KIAA1549L: variants seen among roughly 807,000 people sequenced by gnomAD.
KIAA1549L encodes UPF0606 protein KIAA1549L.
KIAA1549L carries 88 observed loss-of-function variants against 160.7 expected under a neutral mutation model. The ratio of observed to expected loss-of-function variants is 0.55; its 90% CI spans 0.46 to 0.65. KIAA1549L has a LOEUF of 0.65. KIAA1549L is among the 30% of genes least tolerant of loss of function. The pLI, the probability that KIAA1549L is intolerant of heterozygous loss-of-function variation, is 0.00. For missense variants in KIAA1549L, 2,258 were observed against 2,437.5 expected, an observed-to-expected ratio of 0.93 and a Z score of 1.55; for synonymous variants, 950 against 976.7, an observed-to-expected ratio of 0.97 and a Z score of 0.51.
chr11:33,656,252 C>T (rs1852061979), intron 18 of KIAA1549L, 143 bp downstream of exon 18: 2 of 643,892 alleles, frequency 3.1e-6, no homozygotes, highest in South Asian at 3.7e-5. Context: ...AACCATGCGC[C>T]TGTGGCATCC....
chr11:33,384,226 A>G (rs553159185), intron 1 of KIAA1549L, among the ~76,000 whole-genome samples: 3 of 152,236 alleles, frequency 2.0e-5, no homozygotes, highest in Non-Finnish European at 2.9e-5. Flanking sequence ...ATGGAATTGT[A>G]CTGTATATAA....
At chr11:33,503,277 T>C (rs145210222) in intron 1 of KIAA1549L, among the ~76,000 whole-genome samples, 5 of 152,366 alleles carry the variant, frequency 3.3e-5, no homozygotes, top group Non-Finnish European at 5.9e-5. Flanking sequence ...TTGTGATTCT[T>C]TCATCCGAAT....
At chr11:33,377,771 ACTT>A (rs1338077502) in intron 1 of KIAA1549L, among the ~76,000 whole-genome samples, 3 of 152,188 alleles carry the variant, frequency 2.0e-5, no homozygotes, top group Non-Finnish European at 4.4e-5. Flanking sequence ...AGGACTAATG[ACTT>A]CTTCTTTCTC....
chr11:33,609,702 C>A, intron 14 of KIAA1549L, 47 bp from the exon 15 acceptor site: 1 of 1,455,278 alleles, frequency 6.9e-7, no homozygotes, highest in Non-Finnish European at 9.5e-7. Context: ...TCCCACCTGC[C>A]GGCCCCACTG....
At chr11:33,516,853 C>T (rs1335741318) in intron 1 of KIAA1549L, among the ~76,000 whole-genome samples, 1 of 152,170 alleles carries the variant, frequency 6.6e-6, no homozygotes, top group African/African-American at 2.4e-5. Flanking sequence ...TGTGTGGTGG[C>T]AGGCAACAGT....
Position 33,658,904 on chromosome 11 carries a change from C to T in KIAA1549L, c.6007+6C>T, listed in dbSNP as rs1380948312. On this transcript the variant is annotated splice_donor_region_variant and intron_variant, in intron 19 of 20. Transcript: ENST00000658780. ...GTCGGCTTTAAATTACTCAGGTGGG[C>T]AAGAGAAAAGCCCGAGTGTGCCCCC... 1 of 1,544,868 alleles carries T rather than the reference C, an allele frequency of 6.5e-7. No homozygotes were observed. The highest frequency in any genetic ancestry group is 8.7e-7 in the Non-Finnish European group (1 of 1,143,360).
At chr11:33,536,133 C>A (rs1228025327) in intron 1 of KIAA1549L, among the ~76,000 whole-genome samples, 2 of 152,182 alleles carry the variant, frequency 1.3e-5, no homozygotes, top group Non-Finnish European at 2.9e-5. Context: ...ACTCATTTCC[C>A]AGAAGTGAGG....
At chr11:33,632,677 C>A (rs1028793556) in intron 16 of KIAA1549L, among the ~76,000 whole-genome samples, 2 of 152,134 alleles carry the variant, frequency 1.3e-5, no homozygotes, top group Admixed American at 6.5e-5. Flanking sequence ...CTCCTTGGCT[C>A]AGGCGAGCCT....
chr11:33,497,287 G>T (rs576909766), intron 1 of KIAA1549L, among the ~76,000 whole-genome samples: 1 of 152,246 alleles, frequency 6.6e-6, no homozygotes, highest in East Asian at 1.9e-4. Flanking sequence ...ATAATAATAG[G>T]CCTCAGTAAA....
intron 14 of KIAA1549L, among the ~76,000 whole-genome samples, chr11:33,607,794 A>C (rs1015677485): frequency 2.6e-5 from 4 of 152,364 alleles, no homozygotes; most frequent in African/African-American, 9.6e-5. Flanking sequence ...AGCATTTTAC[A>C]AACCCAACTC....
At chr11:33,549,585 A>G (rs1305207939) in intron 4 of KIAA1549L, among the ~76,000 whole-genome samples, 3 of 152,210 alleles carry the variant, frequency 2.0e-5, no homozygotes, top group African/African-American at 7.2e-5. Flanking sequence ...TCTTCATGAA[A>G]AACTGACCGG....
chr11:33,629,645 C>T (rs1483413096), intron 16 of KIAA1549L, among the ~76,000 whole-genome samples: 2,098 of 150,246 alleles, frequency 0.014, 49 homozygotes, highest in African/African-American at 0.05. Context: ...CCATCAGCTC[C>T]TTTAAGCACT....
At chr11:33,625,682 T>C (rs1423591125) in intron 16 of KIAA1549L, among the ~76,000 whole-genome samples, 2 of 152,094 alleles carry the variant, frequency 1.3e-5, no homozygotes, top group Non-Finnish European at 2.9e-5. Flanking sequence ...GAGTAGGTTG[T>C]GAAAATTTTC....
intron 1 of KIAA1549L, among the ~76,000 whole-genome samples, chr11:33,377,925 A>T (rs532956240): frequency 6.6e-6 from 1 of 152,158 alleles, no homozygotes; most frequent in Non-Finnish European, 1.5e-5. Flanking sequence ...CGATTCACTT[A>T]AAGAGTCACT....
chr11:33,564,771 T>C (rs1854992435), intron 8 of KIAA1549L, among the ~76,000 whole-genome samples: 1 of 152,266 alleles, frequency 6.6e-6, no homozygotes, highest in Non-Finnish European at 1.5e-5. Context: ...CCATGTGGAC[T>C]TCACATTCTC....
chr11:33,563,434 A>G (rs1854941877), intron 8 of KIAA1549L, among the ~76,000 whole-genome samples: 1 of 151,510 alleles, frequency 6.6e-6, no homozygotes, highest in Admixed American at 6.6e-5. Flanking sequence ...CACATCATGG[A>G]AGATGTGCCT....
In KIAA1549L at chr11:33,412,812, C is replaced by T. The variant is rs77937943; in HGVS notation, c.238+35923C>T. ...GATTAAATATTAGTACAGACATTTA[C>T]GCATCATAATCTATGGGATAGATGC... On this transcript the variant is annotated intron_variant, in intron 1 of 20. Transcript: ENST00000658780. Among the ~76,000 whole-genome samples the T allele has an allele frequency of 5.2e-3, 791 of 152,266 alleles. 4 individuals are homozygous for T. Among genetic ancestry groups the T allele is most frequent in the Admixed American group, 8.1e-3 (124 of 15,298 alleles).
At chr11:33,667,684 GA>G (rs1852518613) in intron 20 of KIAA1549L, among the ~76,000 whole-genome samples, 188 bp from the exon 21 acceptor site, 1 of 152,138 alleles carries the variant, frequency 6.6e-6, no homozygotes, top group Non-Finnish European at 1.5e-5. Context: ...GTGAGCCACC[GA>G]AATTACCTAT....
intron 13 of KIAA1549L, among the ~76,000 whole-genome samples, chr11:33,602,613 A>T (rs952644455): frequency 3.3e-5 from 5 of 151,974 alleles, no homozygotes; most frequent in Non-Finnish European, 7.3e-5. Flanking sequence ...GCACAATCAG[A>T]TACAAGATAA....
Sources: allele counts gnomAD v4.1 joint callset (sites outside exome capture counted in the v4.1 genomes callset), GRCh38; gene constraint gnomAD v4.1.1; transcripts MANE v1.5; gene names NCBI Gene and HGNC (gene_info 2026-07-23, HGNC 2026-07-21).